The following MYH11 variants were observed in gnomAD, a reference collection of about 807,000 sequenced individuals.
The protein encoded by MYH11 is myosin-11.
A neutral mutation model predicts 246.6 loss-of-function variants in MYH11; 80 were observed. The observed-to-expected ratio is 0.32, with a 90% CI of 0.27 to 0.39. The LOEUF (loss-of-function observed/expected upper bound fraction) is 0.39. Among genes scored for constraint, MYH11 ranks in the 10% least tolerant of loss-of-function variants. The pLI, the probability that MYH11 is intolerant of heterozygous loss-of-function variation, is 1.00. For missense variants in MYH11, 2,158 were observed against 2,546.8 expected (o/e 0.85, Z 3.29); for synonymous variants, 1,071 against 1,015.5 (o/e 1.05, Z -1.04).
chr16:15,788,212 C>T (rs1470665392), intron 4 of MYH11, among the ~76,000 whole-genome samples: 1 of 151,418 alleles, frequency 6.6e-6, no homozygotes, highest in Non-Finnish European at 1.5e-5. Context: ...AAGATAAGGA[C>T]AGTGCCTTGA....
chr16:15,827,480 G>A (rs2043602516), intron 2 of MYH11, among the ~76,000 whole-genome samples: 1 of 152,178 alleles, frequency 6.6e-6, no homozygotes, highest in Non-Finnish European at 1.5e-5. Context: ...CAAAGCAAGG[G>A]TTAGAGGTAA....
At position 15,748,809 on chromosome 16, in the gene MYH11, G is replaced by A. The variant is rs952868925; in HGVS notation, c.2059-641C>T. 2.6e-5 allele frequency among the ~76,000 whole-genome samples: 4 copies of A among 151,980 alleles called. No homozygotes were observed. The South Asian group carries it at 8.3e-4, about 31-fold the overall frequency. ...TTTTAAAAATGTTTTTGTAGATATA[G>A]GGTCTTGCTATGTTGCCCAGGCTAG... On this transcript the variant is annotated intron_variant, in intron 16 of 40. Transcript: ENST00000300036.
At chr16:15,713,708 T>G (rs916624410) in intron 40 of MYH11, 1 of 152,220 alleles carries the variant, frequency 6.6e-6, no homozygotes, top group Non-Finnish European at 1.5e-5. Flanking sequence ...GCTCTTGAAC[T>G]CCTGAGCTCA....
At position 15,845,074 on chromosome 16, in the gene MYH11, G is replaced by A. The variant is rs186824582; in HGVS notation, c.-17-6805C>T. Among the ~76,000 whole-genome samples, 366 of 152,194 alleles carry A rather than the reference G, an allele frequency of 2.4e-3. 3 individuals carry two copies. The highest frequency in any genetic ancestry group is 8.5e-3 in the African/African-American group (355 of 41,526). ...ACGTGACTCTGCCACTGCAGAATGC[G>A]TGCTTCTGGGTGACTTACGTAGATC... On this transcript the variant is annotated intron_variant, in intron 1 of 40. Coordinates refer to ENST00000300036, the MANE Select transcript of MYH11 (RefSeq NM_002474.3).
chr16:15,720,024 C>T, intron 34 of MYH11, 127 bp downstream of exon 34: 4 of 1,336,510 alleles, frequency 3.0e-6, no homozygotes, highest in East Asian at 2.3e-5. Context: ...TCCAGAAAAA[C>T]CCCAGCTGAA....
chr16:15,723,269 G>C (rs2040578456), intron 31 of MYH11, among the ~76,000 whole-genome samples: 2 of 152,128 alleles, frequency 1.3e-5, no homozygotes, highest in South Asian at 4.1e-4. Flanking sequence ...GTTGAGGTGT[G>C]GAAGGGGAAA....
chr16:15,798,804 T>A, intron 3 of MYH11, 117 bp from the exon 4 acceptor site: 1 of 1,118,904 alleles, frequency 8.9e-7, no homozygotes, highest in Non-Finnish European at 1.3e-6. Flanking sequence ...CTGGCCTCAT[T>A]GGAAGTGACA....
At chr16:15,784,662 C>A in intron 5 of MYH11, 1 of 1,613,036 alleles carries the variant, frequency 6.2e-7, no homozygotes, top group South Asian at 1.1e-5. Context: ...CTCCGTGCCT[C>A]CCCTACACAC....
intron 40 of MYH11, among the ~76,000 whole-genome samples, chr16:15,704,920 TCTC>T (rs1157319627): frequency 1.3e-5 from 2 of 151,864 alleles, no homozygotes; most frequent in Admixed American, 1.3e-4. Context: ...CTCAAGCAGT[TCTC>T]CTACCTTGGC....
chr16:15,728,489 C>T (rs921150546), intron 27 of MYH11, among the ~76,000 whole-genome samples: 4 of 152,168 alleles, frequency 2.6e-5, no homozygotes, highest in Non-Finnish European at 5.9e-5. Flanking sequence ...CACCTTTCAC[C>T]GCCCCCGTCC....
In MYH11 at chr16:15,838,282, G is replaced by A. The variant is rs545560860; in HGVS notation, c.-17-13C>T. The A allele has an allele frequency of 4.4e-5, 70 of 1,605,728 alleles. No individual in the cohort carries two copies. In the South Asian group the frequency reaches 6.8e-4, roughly 16 times the overall value. ...CCTTGTTGGTCCCCTGTGGAATAAG[G>A]TAACAGGGTCAGAATCAGACCACAA... is the stretch of plus-strand genomic sequence containing the variant. On this transcript the variant is annotated splice_polypyrimidine_tract_variant and intron_variant, in intron 1 of 40. Coordinates refer to ENST00000300036, the MANE Select transcript of MYH11 (RefSeq NM_002474.3).
chr16:15,725,459 T>TTGTCCCTTCAC (rs59512013), intron 28 of MYH11: 20,298 of 437,680 alleles, frequency 0.046, 1,662 homozygotes, highest in African/African-American at 0.25. Flanking sequence ...CTCCTACTCT[T>TTGTCCCTTCAC]TGACCCTGAT....
chr16:15,789,843 A>G (rs1432962667), intron 4 of MYH11, among the ~76,000 whole-genome samples: 1 of 152,224 alleles, frequency 6.6e-6, no homozygotes, highest in Non-Finnish European at 1.5e-5. Flanking sequence ...ACCTATTCAG[A>G]TCCAAGACAA....
intron 6 of MYH11, 28 bp from the exon 7 acceptor site, chr16:15,778,871 T>G (rs572934441): frequency 6.2e-7 from 1 of 1,612,232 alleles, no homozygotes; most frequent in African/African-American, 1.3e-5. Flanking sequence ...CAGTTCAGGC[T>G]TTGCTGCCCA....
At position 15,786,748 on chromosome 16, in the gene MYH11, A is replaced by G; in HGVS notation, c.531-16T>C. ...AGACTCGCCTCTGAAAGACACGGGA[A>G]CATCATCTATGCACACGTTCCATGG... On this transcript the variant is annotated splice_polypyrimidine_tract_variant and intron_variant, in intron 4 of 40. Coordinates refer to ENST00000300036, the MANE Select transcript of MYH11 (RefSeq NM_002474.3). 6.2e-7 allele frequency: 1 copy of G among 1,609,246 alleles called. No individual in the cohort carries two copies. The highest frequency in any genetic ancestry group is 1.1e-5 in the South Asian group (1 of 90,734).
chr16:15,804,540 TA>T (rs201852189), intron 3 of MYH11, among the ~76,000 whole-genome samples: 11,081 of 151,870 alleles, frequency 0.073, 579 homozygotes, highest in Non-Finnish European at 0.096. Context: ...GTAATAAAGA[TA>T]AAAAAATAAC....
intron 4 of MYH11, among the ~76,000 whole-genome samples, chr16:15,796,592 C>T (rs546336538): frequency 1.3e-5 from 2 of 152,304 alleles, no homozygotes; most frequent in East Asian, 3.9e-4. Flanking sequence ...GATCAAATGC[C>T]TCTGTGGCTA....
chr16:15,838,330 C>A (rs2043962099), intron 1 of MYH11, 61 bp from the exon 2 acceptor site: 3 of 1,350,420 alleles, frequency 2.2e-6, no homozygotes, highest in Non-Finnish European at 3.1e-6. Flanking sequence ...GACAGACCAA[C>A]CACTCACCTT....
chr16:15,741,203 A>G, intron 22 of MYH11: 1 of 595,860 alleles, frequency 1.7e-6, no homozygotes, highest in Non-Finnish European at 3.0e-6. Flanking sequence ...GCTAACAAAT[A>G]CAATTATCCT....
Sources: allele counts gnomAD v4.1 joint callset (sites outside exome capture counted in the v4.1 genomes callset), GRCh38; gene constraint gnomAD v4.1.1; transcripts MANE v1.5; gene names NCBI Gene and HGNC (gene_info 2026-07-23, HGNC 2026-07-21).